Variants in FAM131C observed in about 807,000 individuals in gnomAD.
The protein encoded by FAM131C is family with sequence similarity 131 member C.
FAM131C carries 14 observed loss-of-function variants against 29.8 expected under a neutral mutation model. The observed-to-expected ratio is 0.47, with a 90% CI of 0.31 to 0.73. The LOEUF is 0.73. FAM131C is among the 30% of genes least tolerant of loss of function. The pLI is 0.05. For missense variants in FAM131C, 252 were observed against 383.8 expected (o/e 0.66, Z 2.87); for synonymous variants, 86 against 157.8 (o/e 0.54, Z 3.41).
rs1374916084 is a variant in FAM131C, at chr1:16,062,386, C to G, written c.174+113G>C. The G allele has an allele frequency of 2.1e-5, 25 of 1,190,648 alleles. 1 individual carries two copies. The highest frequency in any genetic ancestry group is 1.4e-4 in the African/African-American group (8 of 56,452). 73.8% of individuals were successfully genotyped at this position (1,190,648 alleles called of 1,614,324 possible). A position where few individuals can be genotyped will look rare whatever the true frequency, so the allele number is the denominator to read the frequency against. On this transcript the variant is annotated intron_variant, in intron 3 of 6. Transcript: ENST00000375662. The stretch of plus-strand genomic sequence containing the variant: ...CCACCCACTGTTTCATCAGGCCCCC[C>G]CCCCCCCCGCCCCAGGGCCAGCAGG...
At position 16,060,001 on chromosome 1, in the gene FAM131C, G is replaced by A. The variant is rs1441036126; in HGVS notation, c.319C>T (p.Arg107Ter). The A allele has an allele frequency of 4.5e-6, 7 of 1,543,110 alleles. No homozygotes were observed. The highest frequency in any genetic ancestry group is 1.4e-5 in the African/African-American group (1 of 73,222). Reference sequence around the variant, plus strand: ...TCGATGAGGTGGGCCACGCGGCCTCGGGCCATGGCCGTGGGCTTTGTGATG... The same window carrying A: ...TCGATGAGGTGGGCCACGCGGCCTCAGGCCATGGCCGTGGGCTTTGTGATG... ...DHITKPTAMA[R>*]GRVAHLIEWK... The change falls in exon 5 of 7, where the codon CGA becomes TGA. Residue 107 changes from arginine to a stop codon, truncating the protein, a stop_gained. Transcript: ENST00000375662. LOFTEE classifies it high-confidence loss of function.
At chr1:16,072,956 G>T (rs1348800660) in intron 1 of FAM131C, among the ~76,000 whole-genome samples, 1 of 151,970 alleles carries the variant, frequency 6.6e-6, no homozygotes, top group African/African-American at 2.4e-5. Context: ...GGGTTCAGGG[G>T]CTCTGCAGAT....
At chr1:16,067,434 C>A (rs1036030658) in intron 1 of FAM131C, among the ~76,000 whole-genome samples, 20 of 152,148 alleles carry the variant, frequency 1.3e-4, no homozygotes, top group Admixed American at 3.9e-4. Flanking sequence ...AAGGACACCC[C>A]CTTTCTTTCA....
intron 6 of FAM131C, among the ~76,000 whole-genome samples, chr1:16,059,260 C>T (rs932174328): frequency 1.1e-4 from 17 of 149,656 alleles, no homozygotes; most frequent in African/African-American, 3.9e-4. Flanking sequence ...GCACAGCCCT[C>T]GGTGTGGTAA....
At chr1:16,068,195 A>G (rs1396748347) in intron 1 of FAM131C, among the ~76,000 whole-genome samples, 2 of 152,218 alleles carry the variant, frequency 1.3e-5, no homozygotes, top group Non-Finnish European at 2.9e-5. Context: ...TCTGAAGAGA[A>G]CGTAAGCGGC....
Position 16,057,773 on chromosome 1 carries a change from G to C in FAM131C, c.*664C>G, listed in dbSNP as rs761222048. On this transcript the variant is annotated 3_prime_UTR_variant, in exon 7 of 7. Coordinates refer to ENST00000375662, the MANE Select transcript of FAM131C (RefSeq NM_182623.3). ...GCAGAGACCAGGCCAAGGTCATCCA[G>C]GGTGAATCCACCACTTTAATGTCCT... is the stretch of plus-strand genomic sequence containing the variant. 1.0e-4 allele frequency: 18 copies of C among 173,910 alleles called. No homozygotes were observed. Among genetic ancestry groups the C allele is most frequent in the Middle Eastern group, 5.1e-3 (2 of 392 alleles). The allele number at this position is 173,910 out of a possible 1,614,324, so 10.8% of individuals were successfully genotyped here.
rs1278406908 is a variant in FAM131C at position 16,073,389 on chromosome 1, C to G, written c.22+32G>C. ...GGGGACTGCGCGGGTCCCCGGCACC[C>G]GATCCCCCCGCCCCCGGCCGGGCCC... On this transcript the variant is annotated intron_variant, in intron 1 of 6. Transcript: ENST00000375662. The G allele has an allele frequency of 4.2e-6, 5 of 1,181,428 alleles. No individual in the cohort carries two copies. In the East Asian group the frequency reaches 1.0e-4, roughly 24 times the overall value. The allele number at this position is 1,181,428 out of a possible 1,614,324, so 73.2% of individuals were successfully genotyped here. A position where few individuals can be genotyped will look rare whatever the true frequency, so the allele number is the denominator to read the frequency against.
At chr1:16,064,101 C>T (rs920730962) in intron 1 of FAM131C, among the ~76,000 whole-genome samples, 1 of 152,060 alleles carries the variant, frequency 6.6e-6, no homozygotes, top group Non-Finnish European at 1.5e-5. Flanking sequence ...AGAAAGTGAC[C>T]GCTGCATGCG....
intron 1 of FAM131C, among the ~76,000 whole-genome samples, chr1:16,068,157 C>T (rs1216391560): frequency 1.3e-5 from 2 of 152,252 alleles, no homozygotes; most frequent in African/African-American, 2.4e-5. Context: ...TACTGCCCAG[C>T]TGTGATGTGC....
chr1:16,069,271 C>A (rs2023720777), intron 1 of FAM131C, among the ~76,000 whole-genome samples: 1 of 152,168 alleles, frequency 6.6e-6, no homozygotes, highest in African/African-American at 2.4e-5. Context: ...TTAGGCTACT[C>A]CACGGGCAAA....
intron 1 of FAM131C, among the ~76,000 whole-genome samples, chr1:16,069,581 A>G (rs1186806742): frequency 6.6e-6 from 1 of 152,178 alleles, no homozygotes; most frequent in Middle Eastern, 3.2e-3. Context: ...GGCATGAGTG[A>G]GGAGGCAGAG....
chr1:16,062,434 A>G, intron 3 of FAM131C, 65 bp downstream of exon 3: 1 of 1,448,646 alleles, frequency 6.9e-7, no homozygotes, highest in Non-Finnish European at 9.3e-7. Context: ...GGCTGGGCAC[A>G]AAGGATGGAG....
intron 1 of FAM131C, among the ~76,000 whole-genome samples, chr1:16,069,244 G>A (rs532288182): frequency 6.6e-6 from 1 of 152,254 alleles, no homozygotes; most frequent in Admixed American, 6.5e-5. Context: ...AAGGGTTCAT[G>A]CATACTGCCT....
rs955669010 is a variant in FAM131C at position 16,063,412 on chromosome 1, G to A, written c.138+109C>T. The A allele has an allele frequency of 1.5e-5, 13 of 840,542 alleles. No individual in the cohort carries two copies. The African/African-American group carries it at 2.2e-4, about 14-fold the overall frequency. The allele number at this position is 840,542 out of a possible 1,614,324, so 52.1% of individuals were successfully genotyped here. Reference sequence around the variant, plus strand: ...GGCCCCTGGTCCCACAGGGAGAAGCGGGTTTGGCAGGGAAGGAAGGAGACT... The same window carrying A: ...GGCCCCTGGTCCCACAGGGAGAAGCAGGTTTGGCAGGGAAGGAAGGAGACT... On this transcript the variant is annotated intron_variant, in intron 2 of 6. Coordinates refer to ENST00000375662, the MANE Select transcript of FAM131C (RefSeq NM_182623.3).
chr1:16,062,241 C>T (rs371889646), intron 3 of FAM131C, 49 bp from the exon 4 acceptor site: 29 of 1,577,262 alleles, frequency 1.8e-5, no homozygotes, highest in East Asian at 6.8e-5. Flanking sequence ...GGCTGCCGGC[C>T]GACATCCCTC....
In FAM131C at chr1:16,065,674, C is replaced by T. The variant is rs76002378; in HGVS notation, c.23-2038G>A. On this transcript the variant is annotated intron_variant, in intron 1 of 6. Transcript: ENST00000375662. ...AACCCCAGCTCTTTTGTCTGGGATCCGAAAATTCCCCTTCACTTACCCTCC... is the reference window on the plus strand; with the variant it reads ...AACCCCAGCTCTTTTGTCTGGGATCTGAAAATTCCCCTTCACTTACCCTCC... 3.3e-3 allele frequency among the ~76,000 whole-genome samples: 498 copies of T among 152,286 alleles called. 1 individual carries two copies. The highest frequency in any genetic ancestry group is 0.011 in the African/African-American group (469 of 41,564).
intron 1 of FAM131C, among the ~76,000 whole-genome samples, chr1:16,068,628 A>G (rs1332286358): frequency 1.3e-5 from 2 of 152,070 alleles, no homozygotes; most frequent in African/African-American, 4.8e-5. Flanking sequence ...TCCCCAGGAC[A>G]TTTGTTTACA....
chr1:16,069,749 C>CA (rs1365533912), intron 1 of FAM131C, among the ~76,000 whole-genome samples: 1 of 152,170 alleles, frequency 6.6e-6, no homozygotes, highest in East Asian at 1.9e-4. Flanking sequence ...TTTTTCTAAG[C>CA]ACTGGCCATA....
At position 16,062,112 on chromosome 1, in the gene FAM131C, G is replaced by T; in HGVS notation, c.255C>A (p.Thr85=). The T allele has an allele frequency of 6.2e-7, 1 of 1,611,806 alleles. No individual in the cohort carries two copies. The highest frequency in any genetic ancestry group is 1.1e-5 in the South Asian group (1 of 90,954). ...PGNYNVAALA[T]SSLVGVVQSI... is the part of the protein sequence containing the mutation. ...GCCAGAACCTACCCACAAGGGACGAGGTGGCCAGGGCTGCCACGTTGTAGT... is the reference window on the plus strand; with the variant it reads ...GCCAGAACCTACCCACAAGGGACGATGTGGCCAGGGCTGCCACGTTGTAGT... The change falls in exon 4 of 7, where the codon ACC becomes ACA. Residue 85 remains threonine (T), a synonymous_variant. Transcript: ENST00000375662.
Sources: gnomAD v4.1 joint callset for allele counts (sites outside exome capture counted in the v4.1 genomes callset) on GRCh38, gnomAD v4.1.1 for gene constraint, MANE v1.5 for transcripts, NCBI Gene and HGNC (gene_info 2026-07-23, HGNC 2026-07-21) for gene names.